The following GALNT15 variants were observed in gnomAD, a reference collection of about 807,000 sequenced individuals.
The protein encoded by GALNT15 is polypeptide N-acetylgalactosaminyltransferase 15, also known as UDP-GalNAc transferase T15.
In GALNT15, 67 loss-of-function variants were observed where a neutral mutation model predicts 66.8. That is an observed-to-expected ratio of 1.00 (90% confidence interval 0.82 to 1.23). GALNT15 has a LOEUF of 1.23. Among genes scored for constraint, GALNT15 ranks in the 50% most tolerant of loss-of-function variants. The pLI is 0.00. For missense variants in GALNT15, 827 were observed against 804.3 expected (o/e 1.03, Z -0.34); for synonymous variants, 313 against 311.5 (o/e 1.00, Z -0.05).
chr3:16,212,324 C>G (rs761165276), intron 5 of GALNT15, among the ~76,000 whole-genome samples: 4 of 152,084 alleles, frequency 2.6e-5, no homozygotes, highest in Non-Finnish European at 5.9e-5. Flanking sequence ...CAGGTAGTTG[C>G]CTGGGGATGG....
chr3:16,215,916 A>AAACAAAAACAAAAAAAAAAAAAC lies in GALNT15; in HGVS notation c.1392+3155_1392+3156insCAAAAACAAAAAAAAAAAAACAA, dbSNP rs1019009823. On this transcript the variant is annotated intron_variant, in intron 6 of 9. Transcript: ENST00000339732. ...AGAGGGAGACTCCGCCAAAAAAAAA[A>AAACAAAAACAAAAAAAAAAAAAC]AAAAAAAAAGAAGAGGAAGAAGAAG... Among the ~76,000 whole-genome samples the AAACAAAAACAAAAAAAAAAAAAC allele has an allele frequency of 8.4e-5, 12 of 143,454 alleles. No homozygotes were observed. The South Asian group carries it at 1.5e-3, about 18-fold the overall frequency. The allele number at this position is 143,454 out of a possible 152,430, so 94.1% of individuals were successfully genotyped here.
At chr3:16,208,421 TG>T in intron 3 of GALNT15, 81 bp from the exon 4 acceptor site, 1 of 1,433,040 alleles carries the variant, frequency 7.0e-7, no homozygotes, top group Non-Finnish European at 9.6e-7. Context: ...GCCACCATAC[TG>T]GGCAGCCCAT....
chr3:16,226,931 C>T (rs1229893430), intron 9 of GALNT15, among the ~76,000 whole-genome samples: 4 of 152,182 alleles, frequency 2.6e-5, no homozygotes, highest in Admixed American at 2.0e-4. Context: ...AGAGGTCTTG[C>T]TCACTACCAC....
chr3:16,245,726 G>A, the GALNT15 span, among the ~76,000 whole-genome samples: 3 of 152,296 alleles, frequency 2.0e-5, no homozygotes, highest in African/African-American at 7.2e-5. Flanking sequence ...TGGGCCTCAG[G>A]GGAAAAGCCA....
At chr3:16,196,340 T>G (rs970326526) in intron 2 of GALNT15, among the ~76,000 whole-genome samples, 4 of 152,118 alleles carry the variant, frequency 2.6e-5, no homozygotes, top group African/African-American at 9.7e-5. Flanking sequence ...CGCACATATG[T>G]GTATCGGTCC....
At chr3:16,243,006 G>A in the GALNT15 span, among the ~76,000 whole-genome samples, 10 of 152,078 alleles carry the variant, frequency 6.6e-5, no homozygotes, top group Non-Finnish European at 1.0e-4. Context: ...AATGGGGTTC[G>A]ATTCTTTCTA....
At chr3:16,235,822 A>G (rs2064122307), downstream of GALNT15, among the ~76,000 whole-genome samples, 1 of 152,110 alleles carries the variant, frequency 6.6e-6, no homozygotes, top group Middle Eastern at 3.4e-3. Context: ...CTAGGCATTC[A>G]GGTCAGGTGT....
intron 3 of GALNT15, among the ~76,000 whole-genome samples, chr3:16,206,276 G>A (rs780083289): frequency 7.9e-5 from 12 of 152,030 alleles, no homozygotes; most frequent in Admixed American, 1.3e-4. Flanking sequence ...CCAGCTACTC[G>A]GGGAGCTGAG....
At position 16,175,048 on chromosome 3, in the gene GALNT15, C is replaced by T; in HGVS notation, c.-104C>T. The stretch of plus-strand genomic sequence containing the variant: ...GTTAAGTGACTGGCAGAAAAACTTC[C>T]AGGTGGAACAAGCAACCCAGGTTCT... On this transcript the variant is annotated 5_prime_UTR_variant, in exon 1 of 10. The change creates a premature stop within an existing upstream ORF in the 5' untranslated region. Transcript: ENST00000339732. This position sits in a 1 kb window ranked among gnomAD's most constrained non-coding sequence, Gnocchi z 5.6. The T allele has an allele frequency of 1.8e-6, 2 of 1,119,336 alleles. No homozygotes were observed. Among genetic ancestry groups the T allele is most frequent in the South Asian group, 3.1e-5 (2 of 64,884 alleles). 69.3% of individuals were successfully genotyped at this position (1,119,336 alleles called of 1,614,324 possible). A position where few individuals can be genotyped will look rare whatever the true frequency, so the allele number is the denominator to read the frequency against.
Position 16,174,811 on chromosome 3 carries a change from T to G in GALNT15, c.-341T>G. 3.3e-6 allele frequency: 1 copy of G among 300,434 alleles called. No individual in the cohort carries two copies. The highest frequency in any genetic ancestry group is 6.3e-6 in the Non-Finnish European group (1 of 159,464). 18.6% of individuals were successfully genotyped at this position (300,434 alleles called of 1,614,324 possible). ...TTATACAAAGGGGGAAAGAAACACCTGAGCAGAATGGAATCATTATTTTTT... is the reference window on the plus strand; with the variant it reads ...TTATACAAAGGGGGAAAGAAACACCGGAGCAGAATGGAATCATTATTTTTT... On this transcript the variant is annotated 5_prime_UTR_variant, in exon 1 of 10. Transcript: ENST00000339732. The surrounding 1 kb of genome is among the most constrained non-coding windows in gnomAD (Gnocchi z 4.7).
the GALNT15 span, chr3:16,243,938 T>C: frequency 5.4e-6 from 5 of 934,124 alleles, no homozygotes; most frequent in Non-Finnish European, 6.4e-6. Flanking sequence ...TTCTGTGAAG[T>C]TGTGTATGTT....
rs1227198393 is a variant in GALNT15, at chr3:16,188,168, T to A, written c.540-7592T>A. On this transcript the variant is annotated intron_variant, in intron 1 of 9. Coordinates refer to ENST00000339732, the MANE Select transcript of GALNT15 (RefSeq NM_054110.5). This position sits in a 1 kb window ranked among gnomAD's most constrained non-coding sequence, Gnocchi z 4.6. ...CAGACCATTATCCTGGCTCCGGCTG[T>A]ATATACTTGTAAGGGGGCGTCTCAG... is the stretch of plus-strand genomic sequence containing the variant. 6.6e-6 allele frequency among the ~76,000 whole-genome samples: 1 copy of A among 152,150 alleles called. No individual in the cohort carries two copies. The highest frequency in any genetic ancestry group is 6.5e-5 in the Admixed American group (1 of 15,280).
At chr3:16,177,441 T>G (rs2063421851) in intron 1 of GALNT15, among the ~76,000 whole-genome samples, 1 of 152,224 alleles carries the variant, frequency 6.6e-6, no homozygotes, top group Admixed American at 6.5e-5. Context: ...GTTGTATATA[T>G]TCTCTGTGTT....
chr3:16,245,434 C>T, the GALNT15 span, among the ~76,000 whole-genome samples: 3,665 of 152,358 alleles, frequency 0.024, 138 homozygotes, highest in African/African-American at 0.083. Flanking sequence ...GGCCCTAGAA[C>T]GGAAACAGGG....
intron 1 of GALNT15, among the ~76,000 whole-genome samples, chr3:16,177,737 G>C (rs557581345): frequency 6.6e-6 from 1 of 152,196 alleles, no homozygotes; most frequent in African/African-American, 2.4e-5. Flanking sequence ...ATATGTTCAC[G>C]TGGTGCATGT....
chr3:16,218,896 C>CCT (rs1262481376), intron 6 of GALNT15, among the ~76,000 whole-genome samples: 2 of 148,408 alleles, frequency 1.3e-5, no homozygotes, highest in East Asian at 4.0e-4. Context: ...CTCACTGTAG[C>CCT]CTCTGCCTCC....
In GALNT15 at chr3:16,228,163, C is replaced by T; in HGVS notation, c.*663C>T. ...GACATTTTCATGTTAATGAGAATTT[C>T]CACCATTGTAGAGAATTTCCTTCCT... On this transcript the variant is annotated 3_prime_UTR_variant, in exon 10 of 10. Coordinates refer to ENST00000339732, the MANE Select transcript of GALNT15 (RefSeq NM_054110.5). 2 of 985,946 alleles carry T rather than the reference C, an allele frequency of 2.0e-6. No homozygotes were observed. The highest frequency in any genetic ancestry group is 1.2e-6 in the Non-Finnish European group (1 of 830,044). The allele number at this position is 985,946 out of a possible 1,614,324, so 61.1% of individuals were successfully genotyped here. A position where few individuals can be genotyped will look rare whatever the true frequency, so the allele number is the denominator to read the frequency against.
Position 16,204,188 on chromosome 3 carries a change from C to A in GALNT15, c.911+3365C>A, listed in dbSNP as rs2063733308. On this transcript the variant is annotated intron_variant, in intron 3 of 9. Transcript: ENST00000339732. The surrounding 1 kb of genome is among the most constrained non-coding windows in gnomAD (Gnocchi z 4.5). Reference sequence around the variant, plus strand: ...CTGCTGACCAGCCTTTGTTCCCTGTCCCTGCCTAGCAGGTTCCCACTAGCC... The same window carrying A: ...CTGCTGACCAGCCTTTGTTCCCTGTACCTGCCTAGCAGGTTCCCACTAGCC... 6.6e-6 allele frequency among the ~76,000 whole-genome samples: 1 copy of A among 152,134 alleles called. No homozygotes were observed. Among genetic ancestry groups the A allele is most frequent in the African/African-American group, 2.4e-5 (1 of 41,436 alleles).
chr3:16,217,171 A>C (rs769057476), intron 6 of GALNT15, among the ~76,000 whole-genome samples: 5 of 152,262 alleles, frequency 3.3e-5, no homozygotes, highest in Non-Finnish European at 5.9e-5. Flanking sequence ...CTATAAAATG[A>C]AATGTGAAAG....
Sources: gnomAD v4.1 joint callset for allele counts (sites outside exome capture counted in the v4.1 genomes callset) on GRCh38, gnomAD v4.1.1 for gene constraint, Gnocchi (gnomAD v3.1) non-coding constraint, MANE v1.5 for transcripts, NCBI Gene and HGNC (gene_info 2026-07-23, HGNC 2026-07-21) for gene names.